WNK1: variants seen among roughly 807,000 people sequenced by gnomAD.
The protein encoded by WNK1 is serine/threonine-protein kinase WNK1.
A neutral mutation model predicts 222.8 loss-of-function variants in WNK1; 38 were observed. That is an observed-to-expected ratio of 0.17 (90% CI 0.13 to 0.22). The LOEUF is 0.22. Among genes scored for constraint, WNK1 ranks in the 10% least tolerant of loss-of-function variants. The probability of loss-of-function intolerance (pLI) is 1.00; values close to 1 mark genes in which losing one functional copy is unlikely to be tolerated. For missense variants in WNK1, 2,348 were observed against 2,918.4 expected, an observed-to-expected ratio of 0.80 and a Z score of 4.50; for synonymous variants, 1,090 against 1,092.9, an observed-to-expected ratio of 1.00 and a Z score of 0.05.
chr12:896,331 G>A lies in WNK1; in HGVS notation c.5844G>A (p.Val1948=). The change falls in exon 24 of 28, where the codon GTG becomes GTA. Residue 1948 remains valine, a synonymous_variant. Coordinates refer to ENST00000315939, the MANE Select transcript of WNK1 (RefSeq NM_018979.4). ...GQPTKVGRFQ[V]TTTANKVGRF... ...CTACCAAGGTTGGACGTTTTCAGGT[G>A]ACAACTACAGCAAACAAAGTGGGTC... 1 of 1,614,186 alleles carries A rather than the reference G, an allele frequency of 6.2e-7. No homozygotes were observed. The highest frequency in any genetic ancestry group is 1.7e-5 in the Admixed American group (1 of 60,026).
At chr12:861,810 T>C (rs1411726033) in intron 7 of WNK1, among the ~76,000 whole-genome samples, 2 of 152,196 alleles carry the variant, frequency 1.3e-5, no homozygotes, top group African/African-American at 4.8e-5. Context: ...ATTAAGACTT[T>C]GAAAGCTGTG....
intron 1 of WNK1, among the ~76,000 whole-genome samples, chr12:805,960 G>A (rs950159817): frequency 5.3e-5 from 8 of 151,914 alleles, no homozygotes; most frequent in Admixed American, 1.3e-4. Flanking sequence ...TGATAATATC[G>A]ATAGTCCAAA....
intron 22 of WNK1, among the ~76,000 whole-genome samples, chr12:892,232 AG>A: frequency 6.6e-6 from 1 of 151,742 alleles, no homozygotes; most frequent in Non-Finnish European, 1.5e-5. Flanking sequence ...CCCCGTCCCA[AG>A]GGGATTTTTT....
At chr12:767,234 G>GTTTTTTTTTTTTTTTTTTT (rs71051382) in intron 1 of WNK1, among the ~76,000 whole-genome samples, 1 of 70,890 alleles carries the variant, frequency 1.4e-5, no homozygotes, top group African/African-American at 6.3e-5. Context: ...GGGTTGATAG[G>GTTTTTTTTTTTTTTTTTTT]TTTTTTTTTT....
Position 846,390 on chromosome 12 carries a change from T to C in WNK1, c.1312-10771T>C, listed in dbSNP as rs1453809055. Among the ~76,000 whole-genome samples the C allele has an allele frequency of 3.9e-5, 6 of 152,302 alleles. No individual in the cohort carries two copies. In the East Asian group the frequency reaches 5.8e-4, roughly 15 times the overall value. Reference sequence around the variant, plus strand: ...ATAAAAACCGTAGCAGGCAATGATATCAACTTTTTATATGAAGGATAGTGC... The same window carrying C: ...ATAAAAACCGTAGCAGGCAATGATACCAACTTTTTATATGAAGGATAGTGC... On this transcript the variant is annotated intron_variant, in intron 4 of 27. Transcript: ENST00000315939.
At chr12:857,521 C>G (rs1049443626) in intron 5 of WNK1, among the ~76,000 whole-genome samples, 1 of 152,206 alleles carries the variant, frequency 6.6e-6, no homozygotes. Context: ...CTTAAAACAT[C>G]AGCATGATTT....
intron 21 of WNK1, among the ~76,000 whole-genome samples, chr12:889,672 T>G (rs1304785128): frequency 6.6e-6 from 1 of 151,872 alleles, no homozygotes; most frequent in Non-Finnish European, 1.5e-5. Flanking sequence ...CAAAAAATTA[T>G]CCAGGTGTGG....
chr12:874,063 G>A (rs1952400734), intron 9 of WNK1, among the ~76,000 whole-genome samples: 1 of 151,922 alleles, frequency 6.6e-6, no homozygotes, highest in Admixed American at 6.6e-5. Flanking sequence ...GGCTGAGGCA[G>A]GAAGATCACT....
intron 4 of WNK1, among the ~76,000 whole-genome samples, chr12:833,014 C>CT (rs71051394): frequency 0.13 from 19,437 of 147,096 alleles, 1,479 homozygotes; most frequent in Middle Eastern, 0.21. Flanking sequence ...TACATTCTCT[C>CT]TTTTTTTTTT....
chr12:860,866 G>A (rs1487722963), intron 6 of WNK1, 147 bp from the exon 7 acceptor site: 11 of 782,038 alleles, frequency 1.4e-5, no homozygotes, highest in South Asian at 3.2e-5. Context: ...TTTACAGTTC[G>A]GTTAAGGCCA....
intron 4 of WNK1, among the ~76,000 whole-genome samples, chr12:834,819 G>C (rs769665328): frequency 3.3e-5 from 5 of 152,086 alleles, no homozygotes; most frequent in Non-Finnish European, 4.4e-5. Flanking sequence ...CTTTAAGGAT[G>C]ATAAAGGCTT....
rs903868279 is a variant in WNK1 at position 886,098 on chromosome 12, T to A, written c.5280+14T>A. Reference sequence around the variant, plus strand: ...ACTAAGGCTCCGGTAAAATTATTGTTATAAAATAATTAGATAAATATGATC... The same window carrying A: ...ACTAAGGCTCCGGTAAAATTATTGTAATAAAATAATTAGATAAATATGATC... On this transcript the variant is annotated intron_variant, in intron 19 of 27. Transcript: ENST00000315939. The A allele has an allele frequency of 1.3e-6, 2 of 1,589,994 alleles. No homozygotes were observed. Among genetic ancestry groups the A allele is most frequent in the Non-Finnish European group, 8.5e-7 (1 of 1,170,264 alleles).
At chr12:853,543 G>A (rs1252063686) in intron 4 of WNK1, among the ~76,000 whole-genome samples, 1 of 152,144 alleles carries the variant, frequency 6.6e-6, no homozygotes, top group Admixed American at 6.5e-5. Context: ...TATCATTATT[G>A]GCTAGACAGG....
At chr12:868,943 G>A in intron 8 of WNK1, 2 of 1,587,998 alleles carry the variant, frequency 1.3e-6, no homozygotes, top group African/African-American at 2.7e-5. Flanking sequence ...TACAGGGGGA[G>A]CAGCTGCACC....
At chr12:783,386 A>G (rs1305337787) in intron 1 of WNK1, among the ~76,000 whole-genome samples, 1 of 152,082 alleles carries the variant, frequency 6.6e-6, no homozygotes, top group Admixed American at 6.6e-5. Flanking sequence ...GTGGTGACAC[A>G]TACATGCCTG....
At chr12:877,595 A>C (rs1952746682) in intron 9 of WNK1, among the ~76,000 whole-genome samples, 2 of 152,202 alleles carry the variant, frequency 1.3e-5, no homozygotes, top group African/African-American at 4.8e-5. Context: ...GTTAAAAAAT[A>C]ATGTCCTTGT....
Position 885,577 on chromosome 12 carries a change from A to G in WNK1, c.4773A>G (p.Thr1591=), listed in dbSNP as rs1167137150. The change falls in exon 19 of 28, where the codon ACA becomes ACG. Residue 1591 remains threonine (T), a synonymous_variant. Transcript: ENST00000315939. ...ILPQAAGPTS[T]PLLPQVPSIP... ...CCCAAGCAGCAGGACCTACTTCTAC[A>G]CCTTTATTACCCCAAGTACCTAGTA... is the stretch of plus-strand genomic sequence containing the variant. 1.2e-6 allele frequency: 2 copies of G among 1,613,824 alleles called. No individual in the cohort carries two copies. The highest frequency in any genetic ancestry group is 1.7e-6 in the Non-Finnish European group (2 of 1,179,980).
chr12:763,444 C>A lies in WNK1; in HGVS notation c.759+9120C>A, dbSNP rs1002926601. Among the ~76,000 whole-genome samples, 18 of 146,648 alleles carry A rather than the reference C, an allele frequency of 1.2e-4. 2 individuals are homozygous for A. The highest frequency in any genetic ancestry group is 5.9e-4 in the East Asian group (3 of 5,074). ...ACTAAAAATACAAAAAAAAAACTAGCCGGGTGTGGTGGTGCATGCCTGTAA... is the reference window on the plus strand; with the variant it reads ...ACTAAAAATACAAAAAAAAAACTAGACGGGTGTGGTGGTGCATGCCTGTAA... On this transcript the variant is annotated intron_variant, in intron 1 of 27. Transcript: ENST00000315939.
At chr12:831,168 G>A (rs758625930) in intron 4 of WNK1, among the ~76,000 whole-genome samples, 8 of 152,086 alleles carry the variant, frequency 5.3e-5, no homozygotes, top group South Asian at 2.1e-4. Context: ...AAGAGTGTAC[G>A]TTGTTGTTTT....
Sources: gnomAD v4.1 joint callset for allele counts (sites outside exome capture counted in the v4.1 genomes callset) on GRCh38, gnomAD v4.1.1 for gene constraint, MANE v1.5 for transcripts, NCBI Gene and HGNC (gene_info 2026-07-23, HGNC 2026-07-21) for gene names.